The following TTN variants were observed in gnomAD, a reference collection of about 807,000 sequenced individuals.
TTN encodes titin.
In TTN, 1,525 loss-of-function variants were observed where a neutral mutation model predicts 3,223.0. The observed-to-expected ratio is 0.47, with a 90% CI of 0.45 to 0.49. The LOEUF is 0.49. Ranked by LOEUF, TTN falls within the 20% of genes least tolerant of loss-of-function variation. The pLI is 0.00. For missense variants in TTN, 40,786 were observed against 43,424.0 expected, an observed-to-expected ratio of 0.94 and a Z score of 5.40; for synonymous variants, 14,094 against 15,161.0, an observed-to-expected ratio of 0.93 and a Z score of 5.17.
At chr2:178,668,881 C>A (rs533944639) in intron 159 of TTN, among the ~76,000 whole-genome samples, 7 of 149,044 alleles carry the variant, frequency 4.7e-5, no homozygotes, top group South Asian at 2.2e-4. Context: ...AACCCCCCCC[C>A]AAAAAAAAAG....
chr2:178,596,196 G>GA (rs2051574327), intron 294 of TTN, among the ~76,000 whole-genome samples: 1 of 151,790 alleles, frequency 6.6e-6, no homozygotes, highest in Non-Finnish European at 1.5e-5. Context: ...TCACCATGTT[G>GA]GTCAGGCTGG....
rs368157806 is a variant in TTN, at chr2:178,673,698, A to G, written c.34721T>C (p.Ile11574Thr). 12 of 1,588,644 alleles carry G rather than the reference A, an allele frequency of 7.6e-6. No homozygotes were observed. The highest frequency in any genetic ancestry group is 1.0e-5 in the Non-Finnish European group (12 of 1,170,854). ...EVAPPRVPEV[I>T]KKAVPEAPTP... ...AGGTGCTTCAGGTACTGCTTTCTTA[A>G]TCACTTCAGGCACTTAAAAGAAATT... Residue 11574 changes from isoleucine (I) to threonine (T), a missense_variant, in exon 152 of 363, where the codon ATT (isoleucine) becomes ACT (threonine). Ile to Thr is a moderately conservative substitution (Grantham distance 89). Coordinates refer to ENST00000589042, the MANE Select transcript of TTN (RefSeq NM_001267550.2).
Position 178,776,689 on chromosome 2 carries a change from C to A in TTN, c.5175G>T (p.Arg1725Ser). 1 of 1,614,100 alleles carries A rather than the reference C, an allele frequency of 6.2e-7. No individual in the cohort carries two copies. The highest frequency in any genetic ancestry group is 8.5e-7 in the Non-Finnish European group (1 of 1,180,012). ...TCGTTGGGTCACCAATGGGTGTTAGCCTGCATTCAAAGTGGGCAGGCCCAA... is the reference window on the plus strand; with the variant it reads ...TCGTTGGGTCACCAATGGGTGTTAGACTGCATTCAAAGTGGGCAGGCCCAA... ...KRFGPAHFEC[R>S]LTPIGDPTMV... Residue 1725 changes from arginine (R) to serine (S), a missense_variant, in exon 28 of 363, where the codon AGG becomes AGT. Arg to Ser is a moderately radical substitution (Grantham distance 110, BLOSUM62 -1). Coordinates refer to ENST00000589042, the MANE Select transcript of TTN (RefSeq NM_001267550.2).
rs1411714227 is a variant in TTN at position 178,756,289 on chromosome 2, T to C, written c.11187A>G (p.Leu3729=). The C allele has an allele frequency of 6.2e-7, 1 of 1,613,846 alleles. No individual in the cohort carries two copies. Among genetic ancestry groups the C allele is most frequent in the Admixed American group, 1.7e-5 (1 of 60,022 alleles). Residue 3729 remains leucine (L), a synonymous_variant, in exon 46 of 363, where the codon CTA becomes CTG. Coordinates refer to ENST00000589042, the MANE Select transcript of TTN (RefSeq NM_001267550.2). The stretch of plus-strand genomic sequence containing the variant: ...AGTCATTGTGTACAATGCAGCTGTA[T>C]AGTCCTTGGTCTACCAGCTGAACAT... The part of the protein sequence containing the change: ...ICNVQLVDQG[L]YSCIVHNDCG...
rs755082341 is a variant in TTN at position 178,543,275 on chromosome 2, C to T, written c.96698G>A (p.Arg32233Gln). Residue 32233 changes from arginine (R) to glutamine (Q), a missense_variant, in exon 347 of 363, where the codon CGA becomes CAA. Transcript: ENST00000589042. ...GGCCTCGAGAACATATCCAGTGAGT[C>T]GGCTACCACCATCGTAGAGTGGTTT... ...WEKPLYDGGS[R>Q]LTGYVLEACK... is the part of the protein sequence containing the mutation. 23 of 1,613,768 alleles carry T rather than the reference C, an allele frequency of 1.4e-5. No individual in the cohort carries two copies. The highest frequency in any genetic ancestry group is 2.2e-5 in the East Asian group (1 of 44,858).
At chr2:178,646,202 C>T (rs947286110) in intron 216 of TTN, among the ~76,000 whole-genome samples, 172 bp from the exon 217 acceptor site, 13 of 133,164 alleles carry the variant, frequency 9.8e-5, no homozygotes, top group Admixed American at 7.6e-4. Flanking sequence ...ACATAAAACA[C>T]AGAACATAAA....
rs774593004 is a variant in TTN, at chr2:178,734,777, A to G, written c.15147T>C (p.Ser5049=). ...LDITDVKVED[S]GSYSCEAVND... The stretch of plus-strand genomic sequence containing the variant: ...TCACTGCTTCACATGAGTAACTCCC[A>G]CTGTCTTCAACTTTTACATCCGTAA... Residue 5049 remains serine (S), a synonymous_variant, in exon 51 of 363, where the codon AGT becomes AGC. Transcript: ENST00000589042. The G allele has an allele frequency of 1.2e-6, 2 of 1,613,682 alleles. No individual in the cohort carries two copies. Among genetic ancestry groups the G allele is most frequent in the Non-Finnish European group, 1.7e-6 (2 of 1,179,762 alleles).
In TTN at chr2:178,615,397, C is replaced by T. The variant is rs2057147235; in HGVS notation, c.48548G>A (p.Gly16183Asp). ...TATATATCCTTTGATGCGTGAACCA[C>T]CATCATTTTTAGGTGGATCCCATGT... ...FLTWDPPKND[G>D]GSRIKGYIVE... Residue 16183 changes from glycine (G) to aspartate (D), a missense_variant, in exon 259 of 363, where the codon GGT (glycine) becomes GAT (aspartate). Coordinates refer to ENST00000589042, the MANE Select transcript of TTN (RefSeq NM_001267550.2). 1 of 1,612,482 alleles carries T rather than the reference C, an allele frequency of 6.2e-7. No homozygotes were observed. Among genetic ancestry groups the T allele is most frequent in the Non-Finnish European group, 8.5e-7 (1 of 1,179,068 alleles).
At chr2:178,580,271 A>G (rs1189984595) in intron 317 of TTN, 42 bp from the exon 318 acceptor site, 1 of 1,605,642 alleles carries the variant, frequency 6.2e-7, no homozygotes, top group Non-Finnish European at 8.5e-7. Context: ...TGTGTAAAAA[A>G]TACATAAGCT....
chr2:178,742,988 T>C (rs1251346388), intron 47 of TTN: 1 of 152,050 alleles, frequency 6.6e-6, no homozygotes, highest in African/African-American at 2.4e-5. Flanking sequence ...TTATTTTAAG[T>C]AAACCATAAA....
chr2:178,554,288 A>T, intron 332 of TTN, 72 bp from the exon 333 acceptor site: 1 of 1,470,122 alleles, frequency 6.8e-7, no homozygotes. Flanking sequence ...TGATGTTCGC[A>T]TTCTTTCCAA....
chr2:178,538,991 C>G lies in TTN; in HGVS notation c.98944G>C (p.Glu32982Gln). 1 of 1,613,118 alleles carries G rather than the reference C, an allele frequency of 6.2e-7. No individual in the cohort carries two copies. The highest frequency in any genetic ancestry group is 1.1e-5 in the South Asian group (1 of 91,052). The change falls in exon 353 of 363, where the codon GAG (glutamate) becomes CAG (glutamine). Residue 32982 changes from glutamate to glutamine, a missense_variant. By Grantham distance (29) the Glu-to-Gln change is conservative. Transcript: ENST00000589042. Reference protein sequence around the residue: ...IIAQNDVGLSETSPASEPVVC... With the variant: ...IIAQNDVGLSQTSPASEPVVC... ...ACTGGTTCAGAAGCAGGGCTGGTCT[C>G]ACTCAGGCCAACATCATTCTGTGCG...
chr2:178,697,218 T>A, intron 112 of TTN, 50 bp from the exon 113 acceptor site: 10 of 1,374,868 alleles, frequency 7.3e-6, no homozygotes, highest in Non-Finnish European at 8.8e-6. Flanking sequence ...GATTACATTA[T>A]TATTAATGTT....
chr2:178,684,912 G>A lies in TTN; in HGVS notation c.32548C>T (p.Pro10850Ser). The A allele has an allele frequency of 6.2e-7, 1 of 1,606,066 alleles. No individual in the cohort carries two copies. The highest frequency in any genetic ancestry group is 8.5e-7 in the Non-Finnish European group (1 of 1,175,732). ...AAAATAAAATCCAATATACCTTTAG[G>A]TGGGGGCACCTTTTCCTTTTTAGGA... is the stretch of plus-strand genomic sequence containing the variant. The part of the protein sequence containing the change: ...PVPKKEKVPP[P>S]KVPEEPKKPV... The change falls in exon 130 of 363, where the codon CCT (proline) becomes TCT (serine). Residue 10850 changes from proline to serine, a missense_variant. By Grantham distance (74) the Pro-to-Ser change is moderately conservative (BLOSUM62 -1). Transcript: ENST00000589042.
Position 178,636,630 on chromosome 2 carries a change from G to C in TTN, c.41097C>G (p.Phe13699Leu). ...ATTCAAAGATTGCTGAAGAGCCAAC[G>C]AACTCTGATTCTGTCAAGATGATGT... Reference protein sequence around the residue: ...IKDIILTESEFVGSSAIFECL... With the variant: ...IKDIILTESELVGSSAIFECL... The change falls in exon 225 of 363, where the codon TTC (phenylalanine) becomes TTG (leucine). Residue 13699 changes from phenylalanine to leucine, a missense_variant. By Grantham distance (22) the Phe-to-Leu change is conservative. Transcript: ENST00000589042. This position sits in a 1 kb window ranked among gnomAD's most constrained non-coding sequence, Gnocchi z 4.3. 1.2e-6 allele frequency: 2 copies of C among 1,613,382 alleles called. No individual in the cohort carries two copies. The highest frequency in any genetic ancestry group is 1.7e-6 in the Non-Finnish European group (2 of 1,179,576).
chr2:178,671,043 T>G, intron 156 of TTN, 47 bp downstream of exon 156: 2 of 1,419,392 alleles, frequency 1.4e-6, no homozygotes, highest in Non-Finnish European at 1.9e-6. Flanking sequence ...GCAACCAAGG[T>G]GCTATTGTAT....
chr2:178,581,936 A>G lies in TTN; in HGVS notation c.66433T>C (p.Ser22145Pro). The G allele has an allele frequency of 6.2e-7, 1 of 1,613,234 alleles. No homozygotes were observed. The highest frequency in any genetic ancestry group is 8.5e-7 in the Non-Finnish European group (1 of 1,179,482). ...KAGPGKPSDASKAAYARDPQY... is the reference protein window; with the variant it reads ...KAGPGKPSDAPKAAYARDPQY... ...GGGTCCCGAGCATAAGCGGCCTTGG[A>G]TGCGTCACTGGGTTTGCCTGGTCCA... is the stretch of plus-strand genomic sequence containing the variant. Residue 22145 changes from serine (S) to proline (P), a missense_variant, in exon 315 of 363, where the codon TCC becomes CCC. By Grantham distance (74) the Ser-to-Pro change is moderately conservative (BLOSUM62 -1). Coordinates refer to ENST00000589042, the MANE Select transcript of TTN (RefSeq NM_001267550.2).
In TTN at chr2:178,537,780, G is replaced by C. The variant is rs1380008073; in HGVS notation, c.99427C>G (p.Gln33143Glu). 7 of 1,613,586 alleles carry C rather than the reference G, an allele frequency of 4.3e-6. No individual in the cohort carries two copies. The highest frequency in any genetic ancestry group is 4.2e-6 in the Non-Finnish European group (5 of 1,179,762). Residue 33143 changes from glutamine to glutamate, a missense_variant, in exon 355 of 363, where the codon CAA (glutamine) becomes GAA (glutamate). Transcript: ENST00000589042. Reference protein sequence around the residue: ...KWYRFGKELIQSRKYKMSSDG... With the variant: ...KWYRFGKELIESRKYKMSSDG... ...GAAGACATTTTGTATTTCCGGCTTT[G>C]TATGAGCTCTTTACCAAATCTGTAC...
Position 178,589,008 on chromosome 2 carries a change from G to T in TTN, c.62717C>A (p.Thr20906Lys). Residue 20906 changes from threonine (T) to lysine (K), a missense_variant, in exon 304 of 363, where the codon ACA (threonine) becomes AAA (lysine). Thr to Lys is a moderately conservative substitution (Grantham distance 78). Transcript: ENST00000589042. ...IQNYILEKCE[T>K]KRMVWSTYSA... is the part of the protein sequence containing the mutation. ...ATAGGTAGACCAAACCATTCGCTTT[G>T]TCTCACATTTTTCTAGAATATAATT... is the stretch of plus-strand genomic sequence containing the variant. 2.5e-6 allele frequency: 4 copies of T among 1,611,288 alleles called. No homozygotes were observed. Among genetic ancestry groups the T allele is most frequent in the Non-Finnish European group, 3.4e-6 (4 of 1,179,358 alleles).
Sources: allele counts gnomAD v4.1 joint callset (sites outside exome capture counted in the v4.1 genomes callset), GRCh38; gene constraint gnomAD v4.1.1; non-coding constraint Gnocchi (gnomAD v3.1); transcripts MANE v1.5; gene names NCBI Gene and HGNC (gene_info 2026-07-23, HGNC 2026-07-21).